Variants in RANBP3L observed in about 807,000 individuals in gnomAD.
RANBP3L encodes the protein ran-binding protein 3-like.
RANBP3L carries 56 observed loss-of-function variants against 67.2 expected under a neutral mutation model. That is an observed-to-expected ratio of 0.83 (90% CI 0.67 to 1.04). The LOEUF (loss-of-function observed/expected upper bound fraction) is 1.04, where lower values mean the gene tolerates loss of function less well. Ranked by LOEUF, RANBP3L falls within the 50% of genes least tolerant of loss-of-function variation. The probability of loss-of-function intolerance (pLI) is 0.00; values close to 1 mark genes in which losing one functional copy is unlikely to be tolerated. For synonymous variants in RANBP3L, 164 were observed against 181.4 expected (o/e 0.90, Z 0.77); for missense variants, 496 against 535.5 (o/e 0.93, Z 0.73).
At chr5:36,280,050 T>C (rs901305705) in intron 1 of RANBP3L, among the ~76,000 whole-genome samples, 1 of 152,202 alleles carries the variant, frequency 6.6e-6, no homozygotes, top group Non-Finnish European at 1.5e-5. Flanking sequence ...TCCTTCTCAT[T>C]TTCTGAACAC....
Position 36,261,979 on chromosome 5 carries a change from GC to G in RANBP3L, c.543del (p.Gln181HisfsTer9), listed in dbSNP as rs752340745. The G allele has an allele frequency of 5.6e-6, 9 of 1,605,950 alleles. No homozygotes were observed. The highest frequency in any genetic ancestry group is 3.3e-5 in the Admixed American group (2 of 59,794). ...ENLSRARISV[Q>X]LSTNQDFLGA... ...CCTAAAAAGTCCTGGTTAGTAGACA[GC>G]TGGACTGAAATTCTAGCCCTTGATA... On this transcript the variant is annotated frameshift_variant, in exon 7 of 14. Coordinates refer to ENST00000296604, the MANE Select transcript of RANBP3L (RefSeq NM_145000.5). LOFTEE classifies it high-confidence loss of function.
intron 1 of RANBP3L, among the ~76,000 whole-genome samples, chr5:36,291,400 T>A (rs978572984): frequency 2.3e-4 from 35 of 151,662 alleles, no homozygotes; most frequent in African/African-American, 8.5e-4. Context: ...CTTATTTATT[T>A]TTATTATTAT....
chr5:36,295,529 G>T (rs1752142429), intron 1 of RANBP3L, among the ~76,000 whole-genome samples: 2 of 152,098 alleles, frequency 1.3e-5, no homozygotes, highest in Non-Finnish European at 2.9e-5. Context: ...AAATTACCCA[G>T]CCTCAGGGAG....
In RANBP3L at chr5:36,257,519, T is replaced by C. The variant is rs780587007; in HGVS notation, c.707A>G (p.Asp236Gly). 1.3e-6 allele frequency: 2 copies of C among 1,596,482 alleles called. No individual in the cohort carries two copies. Among genetic ancestry groups the C allele is most frequent in the Non-Finnish European group, 1.7e-6 (2 of 1,168,700 alleles). The stretch of plus-strand genomic sequence containing the variant: ...GAATGGTTTTTCCTTGGCATATGAA[T>C]CATTTTCAAGTTGAGGCTGGGTGAG... ...QKLTQPQLEN[D>G]SYAKEKPFKS... The change falls in exon 9 of 14, where the codon GAT becomes GGT. Residue 236 changes from aspartate to glycine, a missense_variant. By Grantham distance (94) the Asp-to-Gly change is moderately conservative. Transcript: ENST00000296604.
At chr5:36,279,992 CTG>C (rs144972413) in intron 1 of RANBP3L, among the ~76,000 whole-genome samples, 3,144 of 152,286 alleles carry the variant, frequency 0.021, 126 homozygotes, top group African/African-American at 0.072. Flanking sequence ...AGAAAACTCT[CTG>C]TCAATATGAC....
At chr5:36,261,915 G>C (rs207465923) in intron 7 of RANBP3L, 24 bp downstream of exon 7, 7 of 1,052,086 alleles carry the variant, frequency 6.7e-6, no homozygotes, top group Admixed American at 2.1e-5. Context: ...AAAGGACAAC[G>C]CTTCTATTTT....
intron 1 of RANBP3L, among the ~76,000 whole-genome samples, chr5:36,294,285 T>C (rs1365205608): frequency 6.6e-6 from 1 of 152,090 alleles, no homozygotes; most frequent in African/African-American, 2.4e-5. Flanking sequence ...ATTTGATTCT[T>C]CTCTCTTTTT....
chr5:36,280,075 C>A (rs1247983103), intron 1 of RANBP3L, among the ~76,000 whole-genome samples: 1 of 152,130 alleles, frequency 6.6e-6, no homozygotes, highest in Non-Finnish European at 1.5e-5. Flanking sequence ...GATTCTCATG[C>A]TGATAATCTT....
chr5:36,295,511 T>C (rs916775021), intron 1 of RANBP3L, among the ~76,000 whole-genome samples: 5 of 152,130 alleles, frequency 3.3e-5, no homozygotes, highest in Admixed American at 3.3e-4. Flanking sequence ...TAAACCTCTT[T>C]CCTTTATAAA....
chr5:36,272,299 AATG>A (rs1750274521), intron 1 of RANBP3L, among the ~76,000 whole-genome samples: 1 of 152,204 alleles, frequency 6.6e-6, no homozygotes, highest in Non-Finnish European at 1.5e-5. Flanking sequence ...ATCATTGCTA[AATG>A]ATGACAACAC....
At chr5:36,292,833 G>C (rs146249247) in intron 1 of RANBP3L, among the ~76,000 whole-genome samples, 1 of 152,178 alleles carries the variant, frequency 6.6e-6, no homozygotes, top group Admixed American at 6.5e-5. Context: ...GTCAGGTAGC[G>C]TGATGCCTGC....
At position 36,265,072 on chromosome 5, in the gene RANBP3L, TAAC is replaced by T; in HGVS notation, c.364_366del (p.Val122del). 1 of 1,609,878 alleles carries T rather than the reference TAAC, an allele frequency of 6.2e-7. No homozygotes were observed. On this transcript the variant is annotated inframe_deletion, in exon 6 of 14. Transcript: ENST00000296604. ...GGTAGCTGCAAAATAGCAGGTCTAA[TAAC>T]ATGTTTAGAATGTTTCACAGGACCT... is the stretch of plus-strand genomic sequence containing the variant.
At chr5:36,255,670 A>T (rs1320793874) in intron 10 of RANBP3L, 80 bp from the exon 11 acceptor site, 7 of 903,766 alleles carry the variant, frequency 7.7e-6, no homozygotes, top group African/African-American at 1.7e-5. Context: ...TGACACGTTT[A>T]TATGTGTCTA....
chr5:36,294,829 CAT>C (rs1307117553), intron 1 of RANBP3L, among the ~76,000 whole-genome samples: 1 of 145,908 alleles, frequency 6.9e-6, no homozygotes, highest in East Asian at 2.0e-4. Flanking sequence ...TTTATATATA[CAT>C]ATATATGACA....
rs2111569171 is a variant in RANBP3L, at chr5:36,249,541, C to T, written c.*113G>A. ...AACAAATTACATTTCTTAAACTTTT[C>T]TATAAAAACTCTTCAAGGAATGAAT... is the stretch of plus-strand genomic sequence containing the variant. On this transcript the variant is annotated 3_prime_UTR_variant, in exon 14 of 14. Transcript: ENST00000296604. The T allele has an allele frequency of 2.0e-6, 1 of 502,364 alleles. No individual in the cohort carries two copies. Among genetic ancestry groups the T allele is most frequent in the East Asian group, 3.2e-5 (1 of 31,086 alleles). 31.1% of individuals were successfully genotyped at this position (502,364 alleles called of 1,614,324 possible). A position where few individuals can be genotyped will look rare whatever the true frequency, so the allele number is the denominator to read the frequency against.
chr5:36,251,205 A>G, intron 13 of RANBP3L, 108 bp downstream of exon 13: 1 of 869,458 alleles, frequency 1.2e-6, no homozygotes, highest in Non-Finnish European at 1.7e-6. Context: ...GCCACCACTA[A>G]CTTTAAACAG....
chr5:36,267,488 A>G (rs2111847590), intron 4 of RANBP3L, among the ~76,000 whole-genome samples: 1 of 151,910 alleles, frequency 6.6e-6, no homozygotes, highest in Middle Eastern at 3.4e-3. Flanking sequence ...AGCCTGGGCG[A>G]CAGAGCCAGA....
At chr5:36,262,077 A>C (rs749008232) in intron 6 of RANBP3L, 35 bp from the exon 7 acceptor site, 1 of 1,026,270 alleles carries the variant, frequency 9.7e-7, no homozygotes. Context: ...AAGTTTATAA[A>C]GACTACCTTA....
intron 7 of RANBP3L, 39 bp from the exon 8 acceptor site, chr5:36,260,903 T>C (rs1213147135): frequency 3.5e-6 from 3 of 848,460 alleles, no homozygotes; most frequent in Admixed American, 2.3e-5. Context: ...TTTAAATACA[T>C]AGATAAAGCC....
Sources: gnomAD v4.1 joint callset for allele counts (sites outside exome capture counted in the v4.1 genomes callset) on GRCh38, gnomAD v4.1.1 for gene constraint, MANE v1.5 for transcripts, NCBI Gene and HGNC (gene_info 2026-07-23, HGNC 2026-07-21) for gene names.